Variants in PTK2 observed in about 807,000 individuals in gnomAD.
PTK2 encodes the protein focal adhesion kinase 1.
Under a neutral mutation model 150.1 loss-of-function variants are expected in PTK2, and 45 were observed. The ratio of observed to expected loss-of-function variants is 0.30; its 90% CI spans 0.24 to 0.38. The LOEUF is 0.38. Among genes scored for constraint, PTK2 ranks in the 10% least tolerant of loss-of-function variants. PTK2 has a pLI of 1.00. For synonymous variants in PTK2, 432 were observed against 449.2 expected, an observed-to-expected ratio of 0.96 and a Z score of 0.48; for missense variants, 919 against 1,307.3, an observed-to-expected ratio of 0.70 and a Z score of 4.58.
intron 1 of PTK2, among the ~76,000 whole-genome samples, chr8:140,932,435 C>T (rs540513555): frequency 1.2e-4 from 19 of 152,114 alleles, no homozygotes; most frequent in Admixed American, 7.2e-4. Context: ...AGGCCAGTCT[C>T]GAACTCCTGA....
At chr8:140,843,524 C>T (rs1456589498) in intron 7 of PTK2, among the ~76,000 whole-genome samples, 1 of 152,144 alleles carries the variant, frequency 6.6e-6, no homozygotes, top group Non-Finnish European at 1.5e-5. Flanking sequence ...GAGTAGGCTT[C>T]CACAGTGACC....
intron 1 of PTK2, among the ~76,000 whole-genome samples, chr8:140,941,619 C>A (rs2100175798): frequency 6.6e-6 from 1 of 152,092 alleles, no homozygotes; most frequent in South Asian, 2.1e-4. Flanking sequence ...ACTGTTGTGG[C>A]TTTTTAACCA....
intron 23 of PTK2, among the ~76,000 whole-genome samples, chr8:140,714,796 CAAAAAAA>C (rs398010102): frequency 4.3e-5 from 2 of 46,864 alleles, no homozygotes; most frequent in East Asian, 8.4e-4. Flanking sequence ...GGCTCTGTCT[CAAAAAAA>C]AAAAAAAAAA....
intron 22 of PTK2, among the ~76,000 whole-genome samples, chr8:140,723,030 A>C (rs998089464): frequency 4.6e-5 from 7 of 152,020 alleles, no homozygotes; most frequent in African/African-American, 7.3e-5. Flanking sequence ...CTCTAAAAGG[A>C]CCCTGTGGAG....
intron 27 of PTK2, among the ~76,000 whole-genome samples, chr8:140,680,296 C>T (rs1479791842): frequency 3.3e-5 from 5 of 152,120 alleles, no homozygotes; most frequent in Non-Finnish European, 5.9e-5. Context: ...GGCACAATCT[C>T]GGCTTACTGC....
chr8:140,750,149 GA>G (rs985015267), intron 17 of PTK2: 7 of 152,180 alleles, frequency 4.6e-5, no homozygotes, highest in African/African-American at 1.4e-4. Flanking sequence ...AAAGTTTCAG[GA>G]ATAGGATTAA....
chr8:140,835,927 G>A (rs189090750), intron 7 of PTK2, among the ~76,000 whole-genome samples: 1 of 152,248 alleles, frequency 6.6e-6, no homozygotes, highest in East Asian at 1.9e-4. Flanking sequence ...GTCCCAGGAT[G>A]AGTGAGTATG....
At chr8:140,806,416 G>A (rs1476328501) in intron 10 of PTK2, among the ~76,000 whole-genome samples, 1 of 152,066 alleles carries the variant, frequency 6.6e-6, no homozygotes. Context: ...GGATGTCGGA[G>A]GCGCCTTCCA....
intron 31 of PTK2, 117 bp from the exon 36 acceptor site, chr8:140,659,795 T>G: frequency 1.1e-6 from 1 of 869,880 alleles, no homozygotes. Flanking sequence ...GCTCAAGGAA[T>G]CTTCCTGCCT....
chr8:140,758,539 T>C (rs756959907), intron 16 of PTK2, among the ~76,000 whole-genome samples: 1 of 152,182 alleles, frequency 6.6e-6, no homozygotes, highest in Non-Finnish European at 1.5e-5. Context: ...GACCTTCCAG[T>C]GGGACAAGGT....
chr8:140,730,261 A>G (rs2100048425), intron 22 of PTK2, among the ~76,000 whole-genome samples: 1 of 152,222 alleles, frequency 6.6e-6, no homozygotes, highest in African/African-American at 2.4e-5. Flanking sequence ...TATTCTTGAT[A>G]GCCCCAAATT....
intron 6 of PTK2, 68 bp downstream of exon 6, chr8:140,846,531 C>A: frequency 7.5e-7 from 1 of 1,332,646 alleles, no homozygotes; most frequent in South Asian, 1.3e-5. Context: ...AGGAAAATAC[C>A]TGGAAAATAT....
chr8:140,874,186 T>G (rs984751347), intron 4 of PTK2, among the ~76,000 whole-genome samples: 6 of 152,192 alleles, frequency 3.9e-5, no homozygotes, highest in Non-Finnish European at 7.3e-5. Context: ...AAGGTCATCC[T>G]GCCTGAGACA....
chr8:140,991,465 A>C (rs901776150), intron 1 of PTK2, among the ~76,000 whole-genome samples: 8 of 152,228 alleles, frequency 5.3e-5, no homozygotes, highest in Admixed American at 3.3e-4. Context: ...TATTAGCATA[A>C]AACATTCAAA....
At chr8:140,739,149 G>C in intron 20 of PTK2, 42 bp from the exon 24 acceptor site, 1 of 1,351,968 alleles carries the variant, frequency 7.4e-7, no homozygotes, top group Non-Finnish European at 1.0e-6. Context: ...CTTGTTATCT[G>C]CTTAAGAATC....
chr8:140,816,920 C>G (rs748373330), intron 10 of PTK2, among the ~76,000 whole-genome samples: 26 of 152,244 alleles, frequency 1.7e-4, no homozygotes, highest in Admixed American at 5.2e-4. Flanking sequence ...CTATTTGAAA[C>G]GAACCCTGCA....
intron 13 of PTK2, among the ~76,000 whole-genome samples, chr8:140,792,135 C>T (rs955766276): frequency 6.6e-6 from 1 of 152,184 alleles, no homozygotes; most frequent in African/African-American, 2.4e-5. Context: ...TGCCTGCTAT[C>T]TGGGAACTTG....
At chr8:140,980,700 T>C (rs954764236) in intron 1 of PTK2, among the ~76,000 whole-genome samples, 2 of 150,466 alleles carry the variant, frequency 1.3e-5, no homozygotes, top group Non-Finnish European at 3.0e-5. Context: ...GTCCTTCAAG[T>C]CGCCTGCCTG....
rs368726742 is a variant in PTK2 at position 140,691,853 on chromosome 8, A to C, written c.2500-5159T>G. 7.2e-5 allele frequency among the ~76,000 whole-genome samples: 11 copies of C among 152,386 alleles called. No homozygotes were observed. The East Asian group carries it at 9.6e-4, about 13-fold the overall frequency. On this transcript the variant is annotated intron_variant, in intron 26 of 31. Transcript: ENST00000522684. ...ATGCTTCAATTAATATCCAAGGCACAAGAGATATGTTATAGACGAGGAACT... is the reference window on the plus strand; with the variant it reads ...ATGCTTCAATTAATATCCAAGGCACCAGAGATATGTTATAGACGAGGAACT...
Sources: gnomAD v4.1 joint callset for allele counts (sites outside exome capture counted in the v4.1 genomes callset) on GRCh38, gnomAD v4.1.1 for gene constraint, MANE v1.5 for transcripts, NCBI Gene and HGNC (gene_info 2026-07-23, HGNC 2026-07-21) for gene names.